Variants in UFSP2 observed in about 807,000 individuals in gnomAD.
The protein encoded by UFSP2 is UFM1 specific peptidase 2.
A neutral mutation model predicts 60.2 loss-of-function variants in UFSP2; 43 were observed. The observed-to-expected ratio is 0.71, with a 90% confidence interval of 0.56 to 0.92. UFSP2 has a LOEUF of 0.92. Among genes scored for constraint, UFSP2 ranks in the 40% least tolerant of loss-of-function variants. UFSP2 has a pLI of 0.00. For synonymous variants in UFSP2, 183 were observed against 195.1 expected (o/e 0.94, Z 0.52); for missense variants, 520 against 575.0 (o/e 0.90, Z 0.98).
chr4:185,406,129 G>C, intron 9 of UFSP2: 1 of 451,760 alleles, frequency 2.2e-6, no homozygotes, highest in Non-Finnish European at 3.9e-6. Context: ...AGGAGGCCTG[G>C]GTTTTTAACA....
chr4:185,410,125 A>G (rs2095526670), intron 7 of UFSP2, among the ~76,000 whole-genome samples: 1 of 152,220 alleles, frequency 6.6e-6, no homozygotes, highest in Non-Finnish European at 1.5e-5. Context: ...CCAGGAGGCA[A>G]GAGTCAGAAA....
chr4:185,416,960 A>G (rs1030074378), intron 4 of UFSP2, among the ~76,000 whole-genome samples: 3 of 152,200 alleles, frequency 2.0e-5, no homozygotes, highest in Non-Finnish European at 4.4e-5. Context: ...AATGGATGCT[A>G]AAAGTGGTGG....
In UFSP2 at chr4:185,399,950, G is replaced by A; in HGVS notation, c.*442C>T. 1.3e-6 allele frequency: 2 copies of A among 1,575,108 alleles called. No individual in the cohort carries two copies. The highest frequency in any genetic ancestry group is 1.7e-6 in the Non-Finnish European group (2 of 1,165,302). On this transcript the variant is annotated 3_prime_UTR_variant, in exon 12 of 12. Transcript: ENST00000264689. Reference sequence around the variant, plus strand: ...TAGAGACCAAAAATGGGACTGCATGGTGGAAGTTTGGGGATAAAACTCTTT... The same window carrying A: ...TAGAGACCAAAAATGGGACTGCATGATGGAAGTTTGGGGATAAAACTCTTT...
At chr4:185,420,266 T>G (rs557911960) in intron 2 of UFSP2, among the ~76,000 whole-genome samples, 70 of 152,318 alleles carry the variant, frequency 4.6e-4, no homozygotes, top group African/African-American at 1.6e-3. Context: ...TTTAATAGAC[T>G]TTTTAAAAAA....
chr4:185,408,316 C>T lies in UFSP2; in HGVS notation c.951G>A (p.Gln317=). 1 of 1,614,164 alleles carries T rather than the reference C, an allele frequency of 6.2e-7. No homozygotes were observed. Among genetic ancestry groups the T allele is most frequent in the Admixed American group, 1.7e-5 (1 of 60,010 alleles). ...TTGGAATGGACCTCTCTGTGTATCC[C>T]TGATGTTTGAACCAAGAGCAGATAG... ...LQTICSWFKH[Q]GYTERSIPTH... Residue 317 remains glutamine, a synonymous_variant, in exon 8 of 12, where the codon CAG becomes CAA. Transcript: ENST00000264689.
Position 185,400,726 on chromosome 4 carries a change from G to T in UFSP2, c.1324-248C>A, listed in dbSNP as rs115149063. 2.1e-3 allele frequency: 761 copies of T among 356,312 alleles called. 5 individuals are homozygous for T. Among genetic ancestry groups the T allele is most frequent in the African/African-American group, 0.015 (717 of 47,576 alleles). 22.1% of individuals were successfully genotyped at this position (356,312 alleles called of 1,614,324 possible). ...CATTAAAAAAAATTTACCTGTAACT[G>T]TTATTCCAGATACCACACTTTACTG... On this transcript the variant is annotated intron_variant, in intron 11 of 11. Transcript: ENST00000264689.
At chr4:185,408,503 C>G in intron 7 of UFSP2, 68 bp from the exon 8 acceptor site, 10 of 1,459,300 alleles carry the variant, frequency 6.9e-6, no homozygotes, top group Non-Finnish European at 9.4e-6. Flanking sequence ...ATATATGCTC[C>G]CGAATTATGT....
Position 185,405,819 on chromosome 4 carries a change from C to T in UFSP2, c.1159G>A (p.Ala387Thr). Reference protein sequence around the residue: ...SEIASQGRELANHFQSEGTPV... With the variant: ...SEIASQGRELTNHFQSEGTPV... ...GTTCCTTCACTTTGGAAATGATTAG[C>T]CAGTTCCCGTCCTTGAGAGGCAATT... Residue 387 changes from alanine to threonine, a missense_variant, in exon 10 of 12, where the codon GCT (alanine) becomes ACT (threonine). Physicochemically the swap from Ala to Thr is moderately conservative, Grantham distance 58. Coordinates refer to ENST00000264689, the MANE Select transcript of UFSP2 (RefSeq NM_018359.5). The T allele has an allele frequency of 6.2e-7, 1 of 1,614,062 alleles. No individual in the cohort carries two copies. The highest frequency in any genetic ancestry group is 8.5e-7 in the Non-Finnish European group (1 of 1,179,994).
chr4:185,425,824 CG>C, intron 1 of UFSP2, 41 bp downstream of exon 1: 3 of 1,595,928 alleles, frequency 1.9e-6, no homozygotes, highest in Non-Finnish European at 2.6e-6. Flanking sequence ...TGCCAAAGTC[CG>C]GGGAAAAACA....
chr4:185,421,014 AC>A (rs2095548474), intron 2 of UFSP2, among the ~76,000 whole-genome samples: 1 of 152,232 alleles, frequency 6.6e-6, no homozygotes, highest in Non-Finnish European at 1.5e-5. Flanking sequence ...CCATAAAGTA[AC>A]ATTTTAGGAA....
intron 1 of UFSP2, among the ~76,000 whole-genome samples, chr4:185,423,773 C>A (rs775127337): frequency 2.4e-4 from 37 of 152,044 alleles, no homozygotes; most frequent in Non-Finnish European, 4.9e-4. Context: ...CATATATACA[C>A]ACACAGATAC....
intron 2 of UFSP2, 116 bp from the exon 3 acceptor site, chr4:185,418,886 C>T: frequency 1.3e-6 from 1 of 784,134 alleles, no homozygotes. Flanking sequence ...TCCCCATATT[C>T]AATAATAATT....
At chr4:185,424,847 C>A (rs1390999064) in intron 1 of UFSP2, among the ~76,000 whole-genome samples, 1 of 152,166 alleles carries the variant, frequency 6.6e-6, no homozygotes, top group Non-Finnish European at 1.5e-5. Context: ...CACAACTTCC[C>A]AGGGTTGTTA....
Position 185,399,863 on chromosome 4 carries a change from A to G in UFSP2, c.*529T>C. 6.4e-7 allele frequency: 1 copy of G among 1,566,108 alleles called. No homozygotes were observed. The highest frequency in any genetic ancestry group is 1.2e-5 in the South Asian group (1 of 84,446). ...TATTCCATTTAATACTGACACTCGT[A>G]TTTCTAGTAGTATTGTTTCATTCTC... On this transcript the variant is annotated 3_prime_UTR_variant, in exon 12 of 12. Transcript: ENST00000264689.
intron 7 of UFSP2, among the ~76,000 whole-genome samples, chr4:185,411,459 A>C (rs1003706939): frequency 3.3e-5 from 5 of 152,218 alleles, no homozygotes; most frequent in African/African-American, 9.6e-5. Context: ...GTATGAGAGA[A>C]GAAAATTATA....
In UFSP2 at chr4:185,400,312, T is replaced by C; in HGVS notation, c.*80A>G. 6.8e-6 allele frequency: 8 copies of C among 1,171,576 alleles called. No homozygotes were observed. Among genetic ancestry groups the C allele is most frequent in the Non-Finnish European group, 9.9e-6 (8 of 807,404 alleles). 72.6% of individuals were successfully genotyped at this position (1,171,576 alleles called of 1,614,324 possible). On this transcript the variant is annotated 3_prime_UTR_variant, in exon 12 of 12. Transcript: ENST00000264689. The stretch of plus-strand genomic sequence containing the variant: ...TTAAATCGTCAAACTAGAACCAGGA[T>C]TTAATGTGAAAAATTAAACTGATTC...
chr4:185,417,765 C>T (rs1194469210), intron 4 of UFSP2, among the ~76,000 whole-genome samples: 4 of 152,110 alleles, frequency 2.6e-5, no homozygotes, highest in Non-Finnish European at 5.9e-5. Flanking sequence ...CAGAACCAGC[C>T]GGGCGCGGTG....
intron 1 of UFSP2, among the ~76,000 whole-genome samples, chr4:185,423,336 A>C (rs1229784350): frequency 6.6e-6 from 1 of 152,240 alleles, no homozygotes; most frequent in South Asian, 2.1e-4. Context: ...ACTGAACCTA[A>C]TATAATACCA....
At chr4:185,407,417 ATAAT>A (rs1324599091) in intron 9 of UFSP2, among the ~76,000 whole-genome samples, 2 of 152,184 alleles carry the variant, frequency 1.3e-5, no homozygotes, top group Non-Finnish European at 2.9e-5. Flanking sequence ...GTCATAGAAA[ATAAT>A]TAATTTATAT....
Sources: allele counts gnomAD v4.1 joint callset (sites outside exome capture counted in the v4.1 genomes callset), GRCh38; gene constraint gnomAD v4.1.1; transcripts MANE v1.5; gene names NCBI Gene and HGNC (gene_info 2026-07-23, HGNC 2026-07-21).